The following LIN9 variants were observed in gnomAD, a reference collection of about 807,000 sequenced individuals.
LIN9 encodes protein lin-9 homolog.
In LIN9, 18 loss-of-function variants were observed where a neutral mutation model predicts 78.0. That is an observed-to-expected ratio of 0.23 (90% confidence interval 0.16 to 0.34). LIN9 has a LOEUF of 0.34. Ranked by LOEUF, LIN9 falls within the 10% of genes least tolerant of loss-of-function variation. LIN9 has a pLI of 1.00. For missense variants in LIN9, 451 were observed against 644.1 expected (o/e 0.70, Z 3.25); for synonymous variants, 192 against 215.2 (o/e 0.89, Z 0.94).
intron 1 of LIN9, among the ~76,000 whole-genome samples, chr1:226,301,895 C>A (rs1662556129): frequency 6.6e-6 from 1 of 152,040 alleles, no homozygotes; most frequent in South Asian, 2.1e-4. Context: ...ATAAGGAGAT[C>A]CTGTCTCTAA....
In LIN9 at chr1:226,295,901, C is replaced by G. The variant is rs201015210; in HGVS notation, c.205G>C (p.Asp69His). The change falls in exon 4 of 15, where the codon GAT (aspartate) becomes CAT (histidine). Residue 69 changes from aspartate (D) to histidine (H), a missense_variant. By Grantham distance (81) the Asp-to-His change is moderately conservative (BLOSUM62 -1). Transcript: ENST00000681046. ...GGTGACCTTGTATTTATTTGCCTAT[C>G]ATCTTCATCAGAAAAAAGTCGACTT... The part of the protein sequence containing the change: ...KRSRLFSDED[D>H]RQINTRSPKR... 6.2e-7 allele frequency: 1 copy of G among 1,613,432 alleles called. No homozygotes were observed. The highest frequency in any genetic ancestry group is 2.2e-5 in the East Asian group (1 of 44,848).
intron 2 of LIN9, among the ~76,000 whole-genome samples, 193 bp from the exon 3 acceptor site, chr1:226,298,006 T>C (rs2102663278): frequency 6.6e-6 from 1 of 152,338 alleles, no homozygotes; most frequent in Admixed American, 6.5e-5. Flanking sequence ...TCTAAATAAT[T>C]TGATAAAGCA....
At position 226,250,919 on chromosome 1, in the gene LIN9, T is replaced by C; in HGVS notation, c.1039A>G (p.Thr347Ala). The C allele has an allele frequency of 7.0e-7, 1 of 1,436,322 alleles. No homozygotes were observed. Among genetic ancestry groups the C allele is most frequent in the Non-Finnish European group, 9.7e-7 (1 of 1,032,350 alleles). 89.0% of individuals were successfully genotyped at this position (1,436,322 alleles called of 1,614,324 possible). The part of the protein sequence containing the change: ...GFPVEFLIQV[T>A]RLSKILMIKK... ...ATCATGAGAATTTTTGATAATCTGG[T>C]CTACAGACAAAGAAGAAATATTTTA... The change falls in exon 11 of 15, where the codon ACC becomes GCC. Residue 347 changes from threonine (T) to alanine (A), a missense_variant and splice_region_variant. Physicochemically the swap from Thr to Ala is moderately conservative, Grantham distance 58 (BLOSUM62 0). Transcript: ENST00000681046.
At chr1:226,249,541 T>C (rs1455217310) in intron 11 of LIN9, among the ~76,000 whole-genome samples, 3 of 152,284 alleles carry the variant, frequency 2.0e-5, no homozygotes, top group African/African-American at 4.8e-5. Context: ...TAAAAGAGGA[T>C]TGTTCTTTAT....
rs1230202607 is a variant in LIN9, at chr1:226,233,445, T to G, written c.1324A>C (p.Ile442Leu). The change falls in exon 13 of 15, where the codon ATT becomes CTT. Residue 442 changes from isoleucine (I) to leucine (L), a missense_variant. Ile to Leu is a conservative substitution (Grantham distance 5, BLOSUM62 2). Coordinates refer to ENST00000681046, the MANE Select transcript of LIN9 (RefSeq NM_001366245.2). ...GTTGAGGAATTTGCATGCCGAACAA[T>G]TTCCTGTGCTTCTTCCTCACACCTG... ...RRRCEEEAQE[I>L]VRHANSSTGQ... is the part of the protein sequence containing the mutation. 6.2e-7 allele frequency: 1 copy of G among 1,614,198 alleles called. No homozygotes were observed. The highest frequency in any genetic ancestry group is 1.3e-5 in the African/African-American group (1 of 75,060).
chr1:226,276,601 T>C (rs888927043), intron 7 of LIN9, among the ~76,000 whole-genome samples: 4 of 152,174 alleles, frequency 2.6e-5, no homozygotes, highest in African/African-American at 9.7e-5. Context: ...AGTACCACTT[T>C]TATAGCCAGG....
chr1:226,250,484 G>A (rs1221005285), intron 11 of LIN9, among the ~76,000 whole-genome samples: 1 of 152,164 alleles, frequency 6.6e-6, no homozygotes, highest in Non-Finnish European at 1.5e-5. Context: ...AATTTACTTA[G>A]CATATGTTCT....
rs762688844 is a variant in LIN9 at position 226,250,873 on chromosome 1, T to A, written c.1085A>T (p.Lys362Ile). The A allele has an allele frequency of 6.5e-7, 1 of 1,543,620 alleles. No individual in the cohort carries two copies. The highest frequency in any genetic ancestry group is 2.3e-5 in the East Asian group (1 of 44,376). The change falls in exon 11 of 15, where the codon AAA (lysine) becomes ATA (isoleucine). Residue 362 changes from lysine to isoleucine, a missense_variant. Coordinates refer to ENST00000681046, the MANE Select transcript of LIN9 (RefSeq NM_001366245.2). ...ILMIKKEHIK[K>I]LREMNTEAEK... The stretch of plus-strand genomic sequence containing the variant: ...TGCTTCTGTGTTCATTTCCCTTAAT[T>A]TCTTGATATGTTCCTTTTTAATCAT...
intron 3 of LIN9, among the ~76,000 whole-genome samples, chr1:226,296,331 C>T (rs1662144773): frequency 6.6e-6 from 1 of 152,144 alleles, no homozygotes; most frequent in African/African-American, 2.4e-5. Flanking sequence ...CTGCATAGGG[C>T]TGGGCTGGGC....
At chr1:226,236,641 TAG>T (rs1408305049) in intron 12 of LIN9, among the ~76,000 whole-genome samples, 1 of 152,122 alleles carries the variant, frequency 6.6e-6, no homozygotes, top group Non-Finnish European at 1.5e-5. Context: ...GTATTTTTAG[TAG>T]AGACAGGTTT....
rs988276458 is a variant in LIN9 at position 226,293,715 on chromosome 1, G to A, written c.264+2127C>T. ...TGGGATTACAGGCGTGTGCCACCAC[G>A]CCCAACTAATTTTTGTATTTACTGT... On this transcript the variant is annotated intron_variant, in intron 4 of 14. Coordinates refer to ENST00000681046, the MANE Select transcript of LIN9 (RefSeq NM_001366245.2). Among the ~76,000 whole-genome samples, 4 of 152,264 alleles carry A rather than the reference G, an allele frequency of 2.6e-5. 1 individual carries two copies. Among genetic ancestry groups the A allele is most frequent in the Non-Finnish European group, 2.9e-5 (2 of 68,018 alleles).
At chr1:226,271,548 T>A (rs1576319589) in intron 7 of LIN9, among the ~76,000 whole-genome samples, 1 of 152,186 alleles carries the variant, frequency 6.6e-6, no homozygotes, top group South Asian at 2.1e-4. Context: ...GTAAATAATA[T>A]GTATTCTGCA....
intron 11 of LIN9, among the ~76,000 whole-genome samples, chr1:226,241,957 A>G (rs1163507656): frequency 6.6e-6 from 1 of 152,156 alleles, no homozygotes; most frequent in East Asian, 1.9e-4. Flanking sequence ...TCATCTGGTT[A>G]TATCTCCAAC....
At chr1:226,303,549 A>C (rs570129579) in intron 1 of LIN9, among the ~76,000 whole-genome samples, 1 of 152,162 alleles carries the variant, frequency 6.6e-6, no homozygotes, top group African/African-American at 2.4e-5. Context: ...GGCAGGAACC[A>C]TATCTTGGGG....
intron 7 of LIN9, among the ~76,000 whole-genome samples, chr1:226,272,713 A>G (rs1304382745): frequency 1.3e-5 from 2 of 151,700 alleles, no homozygotes; most frequent in African/African-American, 4.8e-5. Flanking sequence ...TCCTAGATTG[A>G]TTGTATTCCC....
chr1:226,263,045 T>C (rs1212781426), intron 10 of LIN9, among the ~76,000 whole-genome samples: 10 of 152,180 alleles, frequency 6.6e-5, no homozygotes, highest in East Asian at 1.9e-4. Flanking sequence ...AAAAAGGCTA[T>C]ATACTGTATG....
chr1:226,309,168 G>A (rs1663125575), upstream of LIN9: 2 of 1,405,808 alleles, frequency 1.4e-6, no homozygotes, highest in Admixed American at 2.6e-5. Context: ...CTTTTTCAAA[G>A]GCTGCCCGCC....
At chr1:226,295,228 T>A (rs1662064958) in intron 4 of LIN9, among the ~76,000 whole-genome samples, 1 of 151,510 alleles carries the variant, frequency 6.6e-6, no homozygotes, top group Admixed American at 6.6e-5. Context: ...GGCGGGTAGA[T>A]CACTTGAGGT....
intron 1 of LIN9, among the ~76,000 whole-genome samples, chr1:226,302,992 A>G (rs1011026344): frequency 6.6e-6 from 1 of 152,226 alleles, no homozygotes; most frequent in East Asian, 1.9e-4. Flanking sequence ...TCTTGCCCAG[A>G]TGTGAAGAAT....
Sources: gnomAD v4.1 joint callset for allele counts (sites outside exome capture counted in the v4.1 genomes callset) on GRCh38, gnomAD v4.1.1 for gene constraint, MANE v1.5 for transcripts, NCBI Gene and HGNC (gene_info 2026-07-23, HGNC 2026-07-21) for gene names.